The following CRADD variants were observed in gnomAD, a reference collection of about 807,000 sequenced individuals.
CRADD encodes the protein CARD and death domain containing adaptor protein, also known as death domain-containing protein CRADD.
In CRADD, 9 loss-of-function variants were observed where a neutral mutation model predicts 15.5. The ratio of observed to expected loss-of-function variants is 0.58; its 90% CI spans 0.35 to 1.01. The LOEUF (loss-of-function observed/expected upper bound fraction) is 1.01. Among genes scored for constraint, CRADD ranks in the 50% least tolerant of loss-of-function variants. The probability of loss-of-function intolerance (pLI) is 0.02; values close to 1 mark genes in which losing one functional copy is unlikely to be tolerated. For missense variants in CRADD, 227 were observed against 250.3 expected (o/e 0.91, Z 0.63); for synonymous variants, 118 against 107.6 (o/e 1.10, Z -0.60).
intron 2 of CRADD, among the ~76,000 whole-genome samples, chr12:93,784,093 T>C (rs140998077): frequency 3.6e-4 from 55 of 152,286 alleles, no homozygotes; most frequent in African/African-American, 1.2e-3. Flanking sequence ...CGGTACTTCA[T>C]GGCTGGTCCC....
At chr12:93,808,558 C>T (rs539487895) in intron 2 of CRADD, among the ~76,000 whole-genome samples, 3 of 152,216 alleles carry the variant, frequency 2.0e-5, no homozygotes, top group East Asian at 3.9e-4. Flanking sequence ...ATCCAGCTCC[C>T]CTTTATTGCA....
intron 2 of CRADD, among the ~76,000 whole-genome samples, chr12:93,878,675 T>G (rs7969978): frequency 6.6e-6 from 1 of 152,026 alleles, no homozygotes. Context: ...CCACTGGGAT[T>G]GGCGATTCCC....
chr12:93,720,111 A>C (rs1229163408), intron 2 of CRADD, among the ~76,000 whole-genome samples: 1 of 152,058 alleles, frequency 6.6e-6, no homozygotes, highest in Admixed American at 6.5e-5. Flanking sequence ...AGAAACTACA[A>C]ATTTTGATAA....
intron 2 of CRADD, among the ~76,000 whole-genome samples, chr12:93,857,703 G>A (rs754768717): frequency 3.2e-4 from 49 of 152,260 alleles, no homozygotes; most frequent in Non-Finnish European, 6.6e-4. Flanking sequence ...CACTTATGAC[G>A]GAAGAAGGCA....
chr12:93,752,349 A>G (rs1020897219), intron 2 of CRADD, among the ~76,000 whole-genome samples: 1 of 152,250 alleles, frequency 6.6e-6, no homozygotes, highest in Admixed American at 6.5e-5. Flanking sequence ...GCTAATGTCA[A>G]AAGCAGGGAT....
At chr12:93,720,219 A>C (rs1956234266) in intron 2 of CRADD, among the ~76,000 whole-genome samples, 1 of 152,080 alleles carries the variant, frequency 6.6e-6, no homozygotes, top group South Asian at 2.1e-4. Context: ...TTTATCTCCA[A>C]GTACTTTGGA....
chr12:93,776,557 G>A (rs1362302701), intron 2 of CRADD, among the ~76,000 whole-genome samples: 9 of 152,140 alleles, frequency 5.9e-5, no homozygotes, highest in Non-Finnish European at 1.3e-4. Context: ...AGAGCAGAGT[G>A]GGTACTAAAA....
chr12:93,872,196 C>A (rs530444475), intron 2 of CRADD, among the ~76,000 whole-genome samples: 25 of 152,092 alleles, frequency 1.6e-4, no homozygotes, highest in South Asian at 8.3e-4. Flanking sequence ...GCCTGTTTGC[C>A]ATTTGTACGT....
Position 93,844,884 on chromosome 12 carries a change from G to C in CRADD, c.299-5086G>C, listed in dbSNP as rs536066078. 2.0e-5 allele frequency among the ~76,000 whole-genome samples: 3 copies of C among 152,322 alleles called. No individual in the cohort carries two copies. In the East Asian group the frequency reaches 5.8e-4, roughly 29 times the overall value. On this transcript the variant is annotated intron_variant, in intron 2 of 2. Transcript: ENST00000332896. ...TCAGAAGCAGTACTGGAAAAGGAAG[G>C]CGAGAGGACCAGTTCCTGAGGGTTC...
At chr12:93,741,083 C>T (rs1284742482) in intron 2 of CRADD, among the ~76,000 whole-genome samples, 3 of 152,068 alleles carry the variant, frequency 2.0e-5, no homozygotes, top group Non-Finnish European at 4.4e-5. Context: ...TTTATTTTTT[C>T]GTACATCAGG....
At chr12:93,678,628 A>T in intron 1 of CRADD, 141 bp from the exon 2 acceptor site, 1 of 773,232 alleles carries the variant, frequency 1.3e-6, no homozygotes, top group Non-Finnish European at 2.0e-6. Flanking sequence ...TGGCTTAATC[A>T]GTGAATTAAA....
intron 2 of CRADD, among the ~76,000 whole-genome samples, chr12:93,818,900 T>C (rs1957738971): frequency 6.6e-6 from 1 of 152,234 alleles, no homozygotes; most frequent in South Asian, 2.1e-4. Context: ...AGTCCTGTCA[T>C]AGAGTGCAAC....
chr12:93,700,003 A>T (rs1320792798), intron 2 of CRADD, among the ~76,000 whole-genome samples: 1 of 152,182 alleles, frequency 6.6e-6, no homozygotes, highest in African/African-American at 2.4e-5. Flanking sequence ...GGAATAAAGT[A>T]GGGAGTGCTT....
chr12:93,868,686 G>GCACA (rs570970896), intron 2 of CRADD, among the ~76,000 whole-genome samples: 3,124 of 142,900 alleles, frequency 0.022, 103 homozygotes, highest in African/African-American at 0.071. Context: ...TCTCTCTCTT[G>GCACA]CACACACACA....
intron 2 of CRADD, among the ~76,000 whole-genome samples, chr12:93,709,812 G>T (rs1180200797): frequency 6.6e-6 from 1 of 152,210 alleles, no homozygotes; most frequent in Non-Finnish European, 1.5e-5. Context: ...TGGTAGTTCT[G>T]CTTTTAGGTC....
At chr12:93,688,064 T>G (rs1367878521) in intron 2 of CRADD, among the ~76,000 whole-genome samples, 1 of 152,204 alleles carries the variant, frequency 6.6e-6, no homozygotes, top group East Asian at 1.9e-4. Context: ...ACGAGTTGGA[T>G]GCTCCTCTCA....
rs191614959 is a variant in CRADD at position 93,684,699 on chromosome 12, C to T, written c.298+5627C>T. 2.3e-3 allele frequency among the ~76,000 whole-genome samples: 356 copies of T among 152,172 alleles called. 1 individual carries two copies. The highest frequency in any genetic ancestry group is 3.9e-3 in the Non-Finnish European group (267 of 68,014). On this transcript the variant is annotated intron_variant, in intron 2 of 2. Coordinates refer to ENST00000332896, the MANE Select transcript of CRADD (RefSeq NM_003805.5). Reference sequence around the variant, plus strand: ...TGGTGAAGAGCGCTATGAAGAGAAGCGGTATGTGTGGTGGTGGGGGTGGTC... The same window carrying T: ...TGGTGAAGAGCGCTATGAAGAGAAGTGGTATGTGTGGTGGTGGGGGTGGTC...
At chr12:93,816,301 C>G (rs1231250682) in intron 2 of CRADD, among the ~76,000 whole-genome samples, 2 of 152,016 alleles carry the variant, frequency 1.3e-5, no homozygotes, top group Middle Eastern at 6.8e-3. Context: ...ACTGCAGCCT[C>G]CGCCTCTGTG....
intron 2 of CRADD, among the ~76,000 whole-genome samples, chr12:93,887,550 C>A (rs1729890364): frequency 6.6e-6 from 1 of 152,232 alleles, no homozygotes; most frequent in Admixed American, 6.5e-5. Flanking sequence ...TTCTAGGAAG[C>A]AGAGAAGTTA....
Sources: allele counts gnomAD v4.1 joint callset (sites outside exome capture counted in the v4.1 genomes callset), GRCh38; gene constraint gnomAD v4.1.1; transcripts MANE v1.5; gene names NCBI Gene and HGNC (gene_info 2026-07-23, HGNC 2026-07-21).